Variants in DOCK1 observed in about 807,000 individuals in gnomAD.
DOCK1 encodes dedicator of cytokinesis 1, also known as dedicator of cytokinesis protein 1.
Under a neutral mutation model 262.7 loss-of-function variants are expected in DOCK1, and 138 were observed. The observed-to-expected ratio is 0.53, with a 90% CI of 0.46 to 0.61. DOCK1 has a LOEUF of 0.61. Ranked by LOEUF, DOCK1 falls within the 20% of genes least tolerant of loss-of-function variation. DOCK1 has a pLI of 0.00. For synonymous variants in DOCK1, 866 were observed against 867.4 expected, an observed-to-expected ratio of 1.00 and a Z score of 0.03; for missense variants, 1,908 against 2,370.7, an observed-to-expected ratio of 0.80 and a Z score of 4.05.
At chr10:127,360,516 T>C (rs1318085601) in intron 32 of DOCK1, among the ~76,000 whole-genome samples, 1 of 152,186 alleles carries the variant, frequency 6.6e-6, no homozygotes, top group Non-Finnish European at 1.5e-5. Flanking sequence ...ACAAAAACCA[T>C]TGAAATTAAA....
In DOCK1 at chr10:127,366,761, G is replaced by A. The variant is rs1009148974; in HGVS notation, c.3432+4549G>A. Reference sequence around the variant, plus strand: ...TGCTTCTCCATCCACGAGCTTCTGGGATGGGGATGGTCGGCTGCTGCCTAA... The same window carrying A: ...TGCTTCTCCATCCACGAGCTTCTGGAATGGGGATGGTCGGCTGCTGCCTAA... On this transcript the variant is annotated intron_variant, in intron 33 of 51. Transcript: ENST00000623213. Among the ~76,000 whole-genome samples the A allele has an allele frequency of 7.2e-5, 11 of 152,290 alleles. No homozygotes were observed. The South Asian group carries it at 1.7e-3, about 23-fold the overall frequency.
intron 1 of DOCK1, among the ~76,000 whole-genome samples, chr10:126,947,037 G>A (rs2035470291): frequency 6.6e-6 from 1 of 152,206 alleles, no homozygotes; most frequent in Non-Finnish European, 1.5e-5. Context: ...GCGGTCCAAG[G>A]ACTGGTACCT....
intron 35 of DOCK1, among the ~76,000 whole-genome samples, chr10:127,376,418 G>GGGCCACA (rs2065492586): frequency 1.3e-5 from 2 of 152,188 alleles, no homozygotes; most frequent in South Asian, 4.1e-4. Context: ...CCTGAGGTCT[G>GGGCCACA]GGCTGTGGCT....
Position 127,404,330 on chromosome 10 carries a change from A to T in DOCK1, c.4023A>T (p.Lys1341Asn). Residue 1341 changes from lysine (K) to asparagine (N), a missense_variant, in exon 40 of 52, where the codon AAA (lysine) becomes AAT (asparagine). Coordinates refer to ENST00000623213, the MANE Select transcript of DOCK1 (RefSeq NM_001290223.2). ...ATTTTCTTTTTTCCTTCCAGAAAAA[A>T]CAGGCTCAGTTTTATGAAAACATCG... ...DYEQLSELLK[K>N]QAQFYENIVK... 6.2e-7 allele frequency: 1 copy of T among 1,613,236 alleles called. No individual in the cohort carries two copies. The highest frequency in any genetic ancestry group is 8.5e-7 in the Non-Finnish European group (1 of 1,179,562).
At chr10:127,422,524 A>G (rs1370546766) in intron 46 of DOCK1, among the ~76,000 whole-genome samples, 2 of 152,292 alleles carry the variant, frequency 1.3e-5, no homozygotes, top group East Asian at 3.9e-4. Context: ...ATATGTATAT[A>G]TAAACAAAAA....
intron 29 of DOCK1, among the ~76,000 whole-genome samples, chr10:127,258,013 CTG>C (rs2059887394): frequency 2.6e-5 from 4 of 152,280 alleles, no homozygotes; most frequent in Admixed American, 2.6e-4. Flanking sequence ...CTGTTCATCT[CTG>C]TTTTTCTTTC....
At chr10:127,315,631 G>A (rs541663346) in intron 29 of DOCK1, among the ~76,000 whole-genome samples, 4 of 152,194 alleles carry the variant, frequency 2.6e-5, no homozygotes, top group East Asian at 1.9e-4. Context: ...GAACTAATAC[G>A]GAGTCCTATT....
intron 27 of DOCK1, among the ~76,000 whole-genome samples, chr10:127,197,732 C>T (rs2057273504): frequency 6.6e-6 from 1 of 152,194 alleles, no homozygotes; most frequent in Admixed American, 6.5e-5. Flanking sequence ...CTGCACCTAG[C>T]ACCAGCTCTG....
chr10:127,313,884 G>T (rs909462494), intron 29 of DOCK1, among the ~76,000 whole-genome samples: 2 of 128,478 alleles, frequency 1.6e-5, no homozygotes, highest in Admixed American at 7.0e-5. Flanking sequence ...CAGCTTGCTC[G>T]TATTTGTTTG....
intron 38 of DOCK1, among the ~76,000 whole-genome samples, chr10:127,385,534 AC>A (rs2066063038): frequency 6.6e-6 from 1 of 152,176 alleles, no homozygotes; most frequent in Non-Finnish European, 1.5e-5. Context: ...TCATTTCAGA[AC>A]CTGTTTTATT....
intron 23 of DOCK1, among the ~76,000 whole-genome samples, chr10:127,077,278 C>CT (rs2046622789): frequency 6.6e-6 from 1 of 152,058 alleles, no homozygotes; most frequent in African/African-American, 2.4e-5. Context: ...TCCTGTAATC[C>CT]TGGCTACTCA....
intron 47 of DOCK1, 88 bp downstream of exon 47, chr10:127,426,099 A>G (rs2068796902): frequency 6.3e-7 from 1 of 1,579,336 alleles, no homozygotes; most frequent in Non-Finnish European, 8.6e-7. Context: ...GAGCAGAGGA[A>G]CTCACATGTA....
chr10:127,067,842 A>G (rs1357144358), intron 23 of DOCK1, among the ~76,000 whole-genome samples: 1 of 151,962 alleles, frequency 6.6e-6, no homozygotes, highest in African/African-American at 2.4e-5. Flanking sequence ...TGTCGTGTAG[A>G]GCCCCAGGCC....
At chr10:127,369,643 A>T (rs1174997462) in intron 33 of DOCK1, among the ~76,000 whole-genome samples, 1 of 152,232 alleles carries the variant, frequency 6.6e-6, no homozygotes, top group Admixed American at 6.5e-5. Flanking sequence ...ATGGCCTGCG[A>T]TGCAGCCATG....
intron 1 of DOCK1, among the ~76,000 whole-genome samples, chr10:126,907,953 T>A (rs969856290): frequency 1.3e-5 from 2 of 152,126 alleles, no homozygotes; most frequent in Non-Finnish European, 2.9e-5. Flanking sequence ...GAAAAGTATC[T>A]GGGATGGTTT....
intron 29 of DOCK1, among the ~76,000 whole-genome samples, chr10:127,284,749 C>G (rs1440630769): frequency 6.6e-6 from 1 of 152,108 alleles, no homozygotes; most frequent in East Asian, 1.9e-4. Flanking sequence ...CAGACCCTGT[C>G]TCTAAATAAC....
intron 23 of DOCK1, among the ~76,000 whole-genome samples, chr10:127,098,392 AG>A (rs1440989135): frequency 1.3e-5 from 2 of 152,158 alleles, no homozygotes; most frequent in Non-Finnish European, 2.9e-5. Flanking sequence ...CACGCTGAGG[AG>A]GTTTTCCATG....
chr10:126,936,631 A>G (rs1331260972), intron 1 of DOCK1, among the ~76,000 whole-genome samples: 1 of 152,216 alleles, frequency 6.6e-6, no homozygotes, highest in African/African-American at 2.4e-5. Flanking sequence ...GGTTCAAAGT[A>G]TTTCATGACA....
At chr10:126,950,483 G>C (rs1461996736) in intron 1 of DOCK1, among the ~76,000 whole-genome samples, 1 of 152,066 alleles carries the variant, frequency 6.6e-6, no homozygotes, top group African/African-American at 2.4e-5. Context: ...CTTGTCTCAA[G>C]GGCTTTCTGG....
Sources: gnomAD v4.1 joint callset for allele counts (sites outside exome capture counted in the v4.1 genomes callset) on GRCh38, gnomAD v4.1.1 for gene constraint, MANE v1.5 for transcripts, NCBI Gene and HGNC (gene_info 2026-07-23, HGNC 2026-07-21) for gene names.